The following DEUP1 variants were observed in gnomAD, a reference collection of about 807,000 sequenced individuals.
DEUP1 encodes coiled-coil domain containing 67.
Under a neutral mutation model 87.4 loss-of-function variants are expected in DEUP1, and 82 were observed. The ratio of observed to expected loss-of-function variants is 0.94; its 90% CI spans 0.78 to 1.13. The LOEUF (loss-of-function observed/expected upper bound fraction) is 1.13. Among genes scored for constraint, DEUP1 ranks in the 50% most tolerant of loss-of-function variants. The pLI is 0.00. For synonymous variants in DEUP1, 214 were observed against 222.7 expected (o/e 0.96, Z 0.35); for missense variants, 663 against 681.5 (o/e 0.97, Z 0.30).
intron 13 of DEUP1, among the ~76,000 whole-genome samples, chr11:93,430,491 G>A (rs1948070721): frequency 2.0e-5 from 3 of 152,154 alleles, no homozygotes; most frequent in Admixed American, 2.0e-4. Flanking sequence ...AACACAAAAG[G>A]CTATATTGTA....
At chr11:93,366,356 G>C (rs1945416217) in intron 5 of DEUP1, among the ~76,000 whole-genome samples, 1 of 152,152 alleles carries the variant, frequency 6.6e-6, no homozygotes, top group African/African-American at 2.4e-5. Flanking sequence ...ATATTTATTA[G>C]AGGGCTTTTT....
intron 2 of DEUP1, among the ~76,000 whole-genome samples, chr11:93,336,469 C>T (rs1434972003): frequency 6.6e-6 from 1 of 152,194 alleles, no homozygotes; most frequent in African/African-American, 2.4e-5. Flanking sequence ...AGTTTCCTTG[C>T]AGGACCCCAG....
In DEUP1 at chr11:93,411,723, AT is replaced by A. The variant is rs368451180; in HGVS notation, c.1524-3273del. Among the ~76,000 whole-genome samples the A allele has an allele frequency of 7.9e-3, 1,199 of 152,318 alleles. 15 individuals carry two copies. The highest frequency in any genetic ancestry group is 0.028 in the African/African-American group (1,153 of 41,568). Reference sequence around the variant, plus strand: ...TGTAACTAATTTTAATGACAAATCAATTTTGTAATAAATGGAGTTTTATCTC... The same window carrying A: ...TGTAACTAATTTTAATGACAAATCAATTTGTAATAAATGGAGTTTTATCTC... On this transcript the variant is annotated intron_variant, in intron 12 of 13. Coordinates refer to ENST00000298050, the MANE Select transcript of DEUP1 (RefSeq NM_181645.4).
intron 13 of DEUP1, among the ~76,000 whole-genome samples, chr11:93,418,012 C>T (rs1947708288): frequency 1.3e-5 from 2 of 151,898 alleles, no homozygotes; most frequent in South Asian, 4.2e-4. Flanking sequence ...CTTCCTTATA[C>T]CTTATACAAA....
chr11:93,346,509 G>A (rs561339204), intron 2 of DEUP1, among the ~76,000 whole-genome samples: 1 of 152,270 alleles, frequency 6.6e-6, no homozygotes, highest in South Asian at 2.1e-4. Context: ...TTACAGGTGT[G>A]AGCCACTGCA....
intron 3 of DEUP1, 39 bp downstream of exon 3, chr11:93,355,581 G>A (rs1311592939): frequency 6.5e-7 from 1 of 1,543,560 alleles, no homozygotes; most frequent in Non-Finnish European, 8.9e-7. Flanking sequence ...TAATTCATCA[G>A]ACTGTTACAT....
chr11:93,394,643 TAGCAA>T lies in DEUP1; in HGVS notation c.1228_1232del (p.Ala410ThrfsTer9). 6.2e-7 allele frequency: 1 copy of T among 1,610,274 alleles called. No individual in the cohort carries two copies. The highest frequency in any genetic ancestry group is 8.5e-7 in the Non-Finnish European group (1 of 1,178,474). On this transcript the variant is annotated frameshift_variant, in exon 10 of 14. Coordinates refer to ENST00000298050, the MANE Select transcript of DEUP1 (RefSeq NM_181645.4). LOFTEE classifies it high-confidence loss of function. ...GAATTAGAAATAAAAGAAAAAATGT[TAGCAA>T]AACAAAAGGTATGCAAGCAGGCAGA...
intron 13 of DEUP1, among the ~76,000 whole-genome samples, chr11:93,434,187 G>A (rs545119194): frequency 2.0e-5 from 3 of 152,274 alleles, no homozygotes; most frequent in Admixed American, 6.5e-5. Flanking sequence ...CACGATTCTT[G>A]CTGGTCATAA....
chr11:93,418,280 C>T (rs1947720239), intron 13 of DEUP1, among the ~76,000 whole-genome samples: 2 of 152,168 alleles, frequency 1.3e-5, no homozygotes, highest in South Asian at 2.1e-4. Context: ...GCAACCTACT[C>T]ATCTGACAAA....
At chr11:93,339,327 A>G (rs754874263) in intron 2 of DEUP1, among the ~76,000 whole-genome samples, 3 of 152,236 alleles carry the variant, frequency 2.0e-5, no homozygotes, top group Non-Finnish European at 2.9e-5. Context: ...AGAGTACAAG[A>G]TGAGCAGCAC....
chr11:93,331,778 G>A (rs1036130940), intron 1 of DEUP1, among the ~76,000 whole-genome samples: 2 of 152,090 alleles, frequency 1.3e-5, no homozygotes, highest in African/African-American at 4.8e-5. Flanking sequence ...AAATGCATAG[G>A]GGTCGCTAAA....
chr11:93,364,195 A>T lies in DEUP1; in HGVS notation c.333A>T (p.Arg111Ser). 6.2e-7 allele frequency: 1 copy of T among 1,601,212 alleles called. No homozygotes were observed. Among genetic ancestry groups the T allele is most frequent in the Non-Finnish European group, 8.6e-7 (1 of 1,169,562 alleles). ...TAACAAATAACTTTGAAAAACTGAG[A>T]TTACATCAGATGAAACAAAACAAAG... is the stretch of plus-strand genomic sequence containing the variant. ...SKLTNNFEKLRLHQMKQNKVP... is the reference protein window; with the variant it reads ...SKLTNNFEKLSLHQMKQNKVP... Residue 111 changes from arginine to serine, a missense_variant, in exon 5 of 14, where the codon AGA becomes AGT. Arg to Ser is a moderately radical substitution (Grantham distance 110, BLOSUM62 -1). Coordinates refer to ENST00000298050, the MANE Select transcript of DEUP1 (RefSeq NM_181645.4).
chr11:93,351,626 T>C (rs545924767), intron 2 of DEUP1, among the ~76,000 whole-genome samples: 1 of 152,340 alleles, frequency 6.6e-6, no homozygotes, highest in East Asian at 1.9e-4. Context: ...TAAATTTCAA[T>C]CTTAAAATTC....
chr11:93,369,064 C>T (rs1945571228), intron 5 of DEUP1, among the ~76,000 whole-genome samples: 2 of 152,112 alleles, frequency 1.3e-5, no homozygotes, highest in Non-Finnish European at 2.9e-5. Context: ...ACCATATCCC[C>T]CAGCATAGTC....
At chr11:93,349,561 G>A (rs1160879304) in intron 2 of DEUP1, among the ~76,000 whole-genome samples, 1 of 144,192 alleles carries the variant, frequency 6.9e-6, no homozygotes, top group Admixed American at 7.3e-5. Context: ...AGTTCCAAAT[G>A]GTATGTTTCA....
At chr11:93,409,279 T>G (rs16918910) in intron 12 of DEUP1, among the ~76,000 whole-genome samples, 3,786 of 152,316 alleles carry the variant, frequency 0.025, 171 homozygotes, top group African/African-American at 0.086. Context: ...TGGAAAATCA[T>G]TATCGGCTGT....
chr11:93,395,948 A>G (rs1432577993), intron 10 of DEUP1, among the ~76,000 whole-genome samples: 2 of 152,236 alleles, frequency 1.3e-5, no homozygotes, highest in Admixed American at 1.3e-4. Context: ...CAATTTGCAT[A>G]CAATAGAAAA....
intron 6 of DEUP1, among the ~76,000 whole-genome samples, chr11:93,370,415 A>C (rs1207201222): frequency 6.6e-6 from 1 of 152,246 alleles, no homozygotes; most frequent in African/African-American, 2.4e-5. Flanking sequence ...TGTGTCATTA[A>C]ATAGCATATG....
At position 93,331,699 on chromosome 11, in the gene DEUP1, A is replaced by G. The variant is rs746268151; in HGVS notation, c.-44-517A>G. On this transcript the variant is annotated intron_variant, in intron 1 of 13. Transcript: ENST00000298050. ...ACAACGTAGTACAAGCTATTATTCAATAAGTAGTAAATGGATGCTCATTTT... is the reference window on the plus strand; with the variant it reads ...ACAACGTAGTACAAGCTATTATTCAGTAAGTAGTAAATGGATGCTCATTTT... Among the ~76,000 whole-genome samples, 20 of 152,196 alleles carry G rather than the reference A, an allele frequency of 1.3e-4. 1 individual carries two copies. Among genetic ancestry groups the G allele is most frequent in the Admixed American group, 3.3e-4 (5 of 15,284 alleles).
Sources: gnomAD v4.1 joint callset for allele counts (sites outside exome capture counted in the v4.1 genomes callset) on GRCh38, gnomAD v4.1.1 for gene constraint, MANE v1.5 for transcripts, NCBI Gene and HGNC (gene_info 2026-07-23, HGNC 2026-07-21) for gene names.